Variants in TBC1D22A observed in about 807,000 individuals in gnomAD.
The protein encoded by TBC1D22A is putative GTPase activator.
TBC1D22A carries 38 observed loss-of-function variants against 60.2 expected under a neutral mutation model. The observed-to-expected ratio is 0.63, with a 90% CI of 0.49 to 0.83. The LOEUF (loss-of-function observed/expected upper bound fraction) is 0.83, where lower values mean the gene tolerates loss of function less well. Among genes scored for constraint, TBC1D22A ranks in the 40% least tolerant of loss-of-function variants. The pLI, the probability that TBC1D22A is intolerant of heterozygous loss-of-function variation, is 0.00. For missense variants in TBC1D22A, 628 were observed against 701.0 expected (o/e 0.90, Z 1.18); for synonymous variants, 302 against 281.7 (o/e 1.07, Z -0.72).
At chr22:46,979,377 A>C (rs1476030568) in intron 9 of TBC1D22A, among the ~76,000 whole-genome samples, 2 of 152,238 alleles carry the variant, frequency 1.3e-5, no homozygotes, top group African/African-American at 4.8e-5. Context: ...ATTTTTGAGA[A>C]AATATCTTCC....
rs191219999 is a variant in TBC1D22A at position 46,879,957 on chromosome 22, G to A, written c.708+1234G>A. On this transcript the variant is annotated intron_variant, in intron 5 of 12. Coordinates refer to ENST00000337137, the MANE Select transcript of TBC1D22A (RefSeq NM_014346.5). ...ATTTCAGTAGACAGAGGAGCACAAGGGGAGGTGACAGCCCCACTCTGCTGG... is the reference window on the plus strand; with the variant it reads ...ATTTCAGTAGACAGAGGAGCACAAGAGGAGGTGACAGCCCCACTCTGCTGG... Among the ~76,000 whole-genome samples, 109 of 152,334 alleles carry A rather than the reference G, an allele frequency of 7.2e-4. 1 individual carries two copies. Among genetic ancestry groups the A allele is most frequent in the African/African-American group, 2.5e-3 (103 of 41,572 alleles).
At chr22:47,110,853 T>C (rs968901038) in intron 11 of TBC1D22A, among the ~76,000 whole-genome samples, 3 of 152,202 alleles carry the variant, frequency 2.0e-5, no homozygotes, top group South Asian at 2.1e-4. Context: ...GGAGGGCCTC[T>C]GGGAGCTGAC....
intron 8 of TBC1D22A, among the ~76,000 whole-genome samples, chr22:46,955,874 G>A (rs1434673270): frequency 6.6e-6 from 1 of 152,218 alleles, no homozygotes; most frequent in Admixed American, 6.5e-5. Context: ...AAGGTGATGT[G>A]TGTGAAGGCT....
At chr22:46,970,831 C>T (rs917533230) in intron 8 of TBC1D22A, among the ~76,000 whole-genome samples, 1 of 152,200 alleles carries the variant, frequency 6.6e-6, no homozygotes, top group Non-Finnish European at 1.5e-5. Flanking sequence ...TGCAGTTCCG[C>T]CTGGGCCATA....
At chr22:47,055,349 C>T (rs567674191) in intron 11 of TBC1D22A, among the ~76,000 whole-genome samples, 10 of 152,304 alleles carry the variant, frequency 6.6e-5, no homozygotes, top group Non-Finnish European at 1.0e-4. Flanking sequence ...TGCACCAGCG[C>T]GTCTCTGGCA....
intron 12 of TBC1D22A, among the ~76,000 whole-genome samples, chr22:47,143,979 G>A (rs748717212): frequency 3.3e-5 from 5 of 152,198 alleles, no homozygotes; most frequent in Non-Finnish European, 7.3e-5. Context: ...GTGGTGCCTG[G>A]CCACACTCCG....
chr22:47,158,711 G>A (rs567774080), intron 12 of TBC1D22A, among the ~76,000 whole-genome samples: 4 of 152,224 alleles, frequency 2.6e-5, no homozygotes, highest in Admixed American at 1.3e-4. Context: ...CAGGTGGCCC[G>A]TCCTGTGGAA....
intron 4 of TBC1D22A, among the ~76,000 whole-genome samples, chr22:46,827,138 T>G (rs1208541839): frequency 1.3e-5 from 2 of 152,200 alleles, no homozygotes; most frequent in East Asian, 3.9e-4. Context: ...TCCTCAGCAC[T>G]CTTTGGTTAT....
At position 46,889,309 on chromosome 22, in the gene TBC1D22A, A is replaced by G. The variant is rs73888413; in HGVS notation, c.709-1957A>G. Among the ~76,000 whole-genome samples the G allele has an allele frequency of 8.7e-4, 132 of 152,316 alleles. 1 individual carries two copies. Among genetic ancestry groups the G allele is most frequent in the African/African-American group, 3.1e-3 (127 of 41,568 alleles). ...GAGATGTTTGGTATCATTAATCATTATGGAAACGAAATTAAAACCACACCC... is the reference window on the plus strand; with the variant it reads ...GAGATGTTTGGTATCATTAATCATTGTGGAAACGAAATTAAAACCACACCC... On this transcript the variant is annotated intron_variant, in intron 5 of 12. Transcript: ENST00000337137.
chr22:47,055,668 C>T (rs1057340630), intron 11 of TBC1D22A, among the ~76,000 whole-genome samples: 10 of 151,986 alleles, frequency 6.6e-5, no homozygotes, highest in Non-Finnish European at 1.3e-4. Context: ...GAGCAGCCAG[C>T]ATGGAGAGGG....
rs148589958 is a variant in TBC1D22A, at chr22:47,075,414, G to A, written c.1330-36094G>A. On this transcript the variant is annotated intron_variant, in intron 11 of 12. Coordinates refer to ENST00000337137, the MANE Select transcript of TBC1D22A (RefSeq NM_014346.5). ...AAACAGACTTTCAGCCAGGTGAGGG[G>A]GCCCATGCCTGTAATCCCAGCATCT... 5.6e-3 allele frequency among the ~76,000 whole-genome samples: 849 copies of A among 152,164 alleles called. 7 individuals are homozygous for A. Among genetic ancestry groups the A allele is most frequent in the Non-Finnish European group, 9.6e-3 (651 of 67,996 alleles).
At chr22:47,063,460 C>T (rs370705087) in intron 11 of TBC1D22A, among the ~76,000 whole-genome samples, 7 of 152,098 alleles carry the variant, frequency 4.6e-5, no homozygotes, top group African/African-American at 1.4e-4. Context: ...GCAGAGAGAC[C>T]GGCGGGGGTG....
Position 46,974,217 on chromosome 22 carries a change from C to G in TBC1D22A, c.1016-73C>G, listed in dbSNP as rs367969658. 38 of 1,287,464 alleles carry G rather than the reference C, an allele frequency of 3.0e-5. 1 individual carries two copies. The East Asian group carries it at 4.0e-4, about 14-fold the overall frequency. The allele number at this position is 1,287,464 out of a possible 1,614,324, so 79.8% of individuals were successfully genotyped here. A position where few individuals can be genotyped will look rare whatever the true frequency, so the allele number is the denominator to read the frequency against. On this transcript the variant is annotated intron_variant, in intron 8 of 12. Transcript: ENST00000337137. ...GGATGCAGGCTCAGCTCTGTTCCTC[C>G]GTGGGCCCCCTCGTGGGTCGAGGTC...
Position 46,774,192 on chromosome 22 carries a change from A to G in TBC1D22A, c.62+11344A>G, listed in dbSNP as rs1346744761. ...CCTGGCTCCTCCAGGCTGGGGGAAA[A>G]CCAGGCTTGCTGTGCTCGGCAGCAG... On this transcript the variant is annotated intron_variant, in intron 1 of 12. Coordinates refer to ENST00000337137, the MANE Select transcript of TBC1D22A (RefSeq NM_014346.5). 3.0e-6 allele frequency: 3 copies of G among 985,410 alleles called. No individual in the cohort carries two copies. In the African/African-American group the frequency reaches 5.2e-5, roughly 17 times the overall value. 61.0% of individuals were successfully genotyped at this position (985,410 alleles called of 1,614,324 possible).
chr22:47,102,195 C>T (rs145728286), intron 11 of TBC1D22A, among the ~76,000 whole-genome samples: 12 of 152,312 alleles, frequency 7.9e-5, no homozygotes, highest in African/African-American at 1.9e-4. Context: ...CAAAGTAGCC[C>T]GGAGCCTGGA....
chr22:46,894,750 G>C, intron 6 of TBC1D22A, 34 bp from the exon 7 acceptor site: 1 of 1,612,530 alleles, frequency 6.2e-7, no homozygotes. Flanking sequence ...TTGTTGTGAC[G>C]TAACATAAAT....
At chr22:47,118,598 G>C (rs907695438) in intron 12 of TBC1D22A, among the ~76,000 whole-genome samples, 1 of 152,110 alleles carries the variant, frequency 6.6e-6, no homozygotes, top group African/African-American at 2.4e-5. Context: ...GACAACTTAT[G>C]ATAAAGACAA....
rs1485504859 is a variant in TBC1D22A at position 46,828,481 on chromosome 22, C to G, written c.637+30861C>G. Among the ~76,000 whole-genome samples the G allele has an allele frequency of 4.6e-5, 7 of 152,366 alleles. No individual in the cohort carries two copies. The East Asian group carries it at 1.3e-3, about 29-fold the overall frequency. ...TGCATTTCTCTACCCACTCCCACGG[C>G]CTGTCCTGGAGTTCACACTCTCCCT... On this transcript the variant is annotated intron_variant, in intron 4 of 12. Coordinates refer to ENST00000337137, the MANE Select transcript of TBC1D22A (RefSeq NM_014346.5).
At chr22:46,896,875 C>T (rs1381098568) in intron 7 of TBC1D22A, among the ~76,000 whole-genome samples, 1 of 151,964 alleles carries the variant, frequency 6.6e-6, no homozygotes, top group African/African-American at 2.4e-5. Context: ...TTTTTTGGGT[C>T]TGTTTGGTTT....
Sources: allele counts gnomAD v4.1 joint callset (sites outside exome capture counted in the v4.1 genomes callset), GRCh38; gene constraint gnomAD v4.1.1; transcripts MANE v1.5; gene names NCBI Gene and HGNC (gene_info 2026-07-23, HGNC 2026-07-21).